KY: variants seen among roughly 807,000 people sequenced by gnomAD.
KY encodes the protein kyphoscoliosis peptidase.
In KY, 43 loss-of-function variants were observed where a neutral mutation model predicts 76.1. That is an observed-to-expected ratio of 0.57 (90% CI 0.44 to 0.73). KY has a LOEUF of 0.73. KY is among the 30% of genes least tolerant of loss of function. KY has a pLI of 0.00. For missense variants in KY, 722 were observed against 828.9 expected (o/e 0.87, Z 1.58); for synonymous variants, 277 against 326.2 (o/e 0.85, Z 1.63).
chr3:134,631,146 A>G (rs1434785608), intron 3 of KY, among the ~76,000 whole-genome samples: 1 of 152,208 alleles, frequency 6.6e-6, no homozygotes, highest in African/African-American at 2.4e-5. Flanking sequence ...GCAAAGAGAA[A>G]TAATATGATG....
At chr3:134,627,953 AC>A in intron 4 of KY, 135 bp from the exon 5 acceptor site, 1 of 675,312 alleles carries the variant, frequency 1.5e-6, no homozygotes, top group Non-Finnish European at 2.6e-6. Flanking sequence ...CCTTGTTCCC[AC>A]CCCACTGACC....
chr3:134,604,460 T>C lies in KY; in HGVS notation c.1105A>G (p.Thr369Ala). 1 of 1,606,068 alleles carries C rather than the reference T, an allele frequency of 6.2e-7. No homozygotes were observed. The highest frequency in any genetic ancestry group is 8.5e-7 in the Non-Finnish European group (1 of 1,174,680). Residue 369 changes from threonine (T) to alanine (A), a missense_variant, in exon 11 of 11, where the codon ACG (threonine) becomes GCG (alanine). Physicochemically the swap from Thr to Ala is moderately conservative, Grantham distance 58 (BLOSUM62 0). Transcript: ENST00000423778. Reference sequence around the variant, plus strand: ...GGGGCGCAGCTCTCAATGGTGACCGTGGCCTTCCCATTCACTGAGGAGAGA... The same window carrying C: ...GGGGCGCAGCTCTCAATGGTGACCGCGGCCTTCCCATTCACTGAGGAGAGA... Reference protein sequence around the residue: ...SMIRTVNGKATVTIESCAPTL... With the variant: ...SMIRTVNGKAAVTIESCAPTL...
chr3:134,633,974 A>C (rs1365866873), intron 3 of KY, among the ~76,000 whole-genome samples: 1 of 152,222 alleles, frequency 6.6e-6, no homozygotes, highest in Non-Finnish European at 1.5e-5. Flanking sequence ...AAGCAATTGG[A>C]GATGGCATTT....
intron 1 of KY, among the ~76,000 whole-genome samples, chr3:134,650,275 T>A (rs1966850243): frequency 6.6e-6 from 1 of 152,220 alleles, no homozygotes; most frequent in Non-Finnish European, 1.5e-5. Context: ...TATCCAAACC[T>A]GCGTTCCTTT....
At chr3:134,638,381 A>T (rs1965269366) in intron 3 of KY, among the ~76,000 whole-genome samples, 1 of 152,156 alleles carries the variant, frequency 6.6e-6, no homozygotes, top group South Asian at 2.1e-4. Context: ...TCTAAACCCT[A>T]AGTACAGCCT....
chr3:134,643,028 A>G (rs1426120559), intron 3 of KY, among the ~76,000 whole-genome samples: 3 of 152,192 alleles, frequency 2.0e-5, no homozygotes, highest in African/African-American at 7.2e-5. Context: ...CAAATGTTGA[A>G]TGTTGAATAG....
At position 134,603,867 on chromosome 3, in the gene KY, G is replaced by A. The variant is rs1038065882; in HGVS notation, c.1698C>T (p.Pro566=). ...VCCANTKVNW[P]MFPESFGNWG... is the part of the protein sequence containing the mutation. ...AGTTGCCAAAGCTCTCAGGGAACAT[G>A]GGCCAGTTCACCTTGGTGTTGGCAC... Residue 566 remains proline, a synonymous_variant, in exon 11 of 11, where the codon CCC becomes CCT. Transcript: ENST00000423778. The A allele has an allele frequency of 1.9e-6, 3 of 1,613,890 alleles. No individual in the cohort carries two copies. Among genetic ancestry groups the A allele is most frequent in the African/African-American group, 2.7e-5 (2 of 74,924 alleles).
Position 134,604,170 on chromosome 3 carries a change from C to T in KY, c.1395G>A (p.Lys465=), listed in dbSNP as rs376145121. Residue 465 remains lysine (K), a synonymous_variant, in exon 11 of 11, where the codon AAG becomes AAA. Coordinates refer to ENST00000423778, the MANE Select transcript of KY (RefSeq NM_178554.6). ...SWFSEQMGIM[K]PSHPDPIIHT... ...GGATGATAGGGTCAGGGTGGGAGGG[C>T]TTCATGATGCCCATCTGCTCCGAGA... The T allele has an allele frequency of 2.2e-3, 3,549 of 1,609,584 alleles. 6 individuals are homozygous for T. Among genetic ancestry groups the T allele is most frequent in the Non-Finnish European group, 2.8e-3 (3,252 of 1,177,880 alleles).
At chr3:134,621,506 G>A (rs914374824) in intron 6 of KY, among the ~76,000 whole-genome samples, 1 of 152,178 alleles carries the variant, frequency 6.6e-6, no homozygotes, top group African/African-American at 2.4e-5. Flanking sequence ...GGACAATTGA[G>A]TTTCCACATG....
At chr3:134,619,375 G>A (rs1962180322) in intron 7 of KY, 110 bp from the exon 8 acceptor site, 1 of 784,102 alleles carries the variant, frequency 1.3e-6, no homozygotes, top group Non-Finnish European at 2.3e-6. Context: ...AAACTACAGT[G>A]GGCTGAATGG....
rs751040887 is a variant in KY, at chr3:134,650,984, G to A, written c.-24C>T. The A allele has an allele frequency of 1.1e-5, 18 of 1,612,632 alleles. No homozygotes were observed. The highest frequency in any genetic ancestry group is 1.7e-4 in the Middle Eastern group (1 of 6,058). ...ATGATGCCGCCTCCTTTCCGACCTGGGCGCCGCGGCCGCACGCTAGGCTGC... is the reference window on the plus strand; with the variant it reads ...ATGATGCCGCCTCCTTTCCGACCTGAGCGCCGCGGCCGCACGCTAGGCTGC... On this transcript the variant is annotated 5_prime_UTR_variant, in exon 1 of 11. Transcript: ENST00000423778.
Position 134,636,461 on chromosome 3 carries a change from A to G in KY, c.263-6766T>C, listed in dbSNP as rs1047009828. Among the ~76,000 whole-genome samples the G allele has an allele frequency of 2.0e-5, 3 of 152,242 alleles. No individual in the cohort carries two copies. The East Asian group carries it at 5.8e-4, about 29-fold the overall frequency. The stretch of plus-strand genomic sequence containing the variant: ...GGCTTCTAGAAACTTTGAGGCTTCC[A>G]TTCTCATTCTTGGGATCCCAGCCAT... On this transcript the variant is annotated intron_variant, in intron 3 of 10. Transcript: ENST00000423778.
Position 134,647,395 on chromosome 3 carries a change from G to A in KY, c.199+40C>T, listed in dbSNP as rs779049147. ...CCAATTCTTCCAGTTATTATTCAAT[G>A]TATTAAATCCTATAGGTTGAAAGGA... On this transcript the variant is annotated intron_variant, in intron 2 of 10. Transcript: ENST00000423778. The A allele has an allele frequency of 6.4e-6, 9 of 1,402,028 alleles. No individual in the cohort carries two copies. The African/African-American group carries it at 1.3e-4, about 20-fold the overall frequency. 86.8% of individuals were successfully genotyped at this position (1,402,028 alleles called of 1,614,324 possible). A position where few individuals can be genotyped will look rare whatever the true frequency, so the allele number is the denominator to read the frequency against.
intron 6 of KY, among the ~76,000 whole-genome samples, chr3:134,621,677 C>T (rs1353813753): frequency 2.0e-5 from 3 of 152,094 alleles, no homozygotes; most frequent in South Asian, 4.1e-4. Flanking sequence ...TTAGATATGG[C>T]ACCAAAAGCA....
In KY at chr3:134,602,935, C is replaced by T. The variant is rs527241399; in HGVS notation, c.*644G>A. The stretch of plus-strand genomic sequence containing the variant: ...TGACTATACTTAGGGATGTTGGAGA[C>T]GATCAGCTTCCAGCCAGTTGTGGGT... On this transcript the variant is annotated 3_prime_UTR_variant, in exon 11 of 11. Coordinates refer to ENST00000423778, the MANE Select transcript of KY (RefSeq NM_178554.6). Among the ~76,000 whole-genome samples the T allele has an allele frequency of 2.4e-4, 37 of 152,348 alleles. 1 individual carries two copies. The South Asian group carries it at 7.0e-3, about 29-fold the overall frequency.
chr3:134,603,913 A>G lies in KY; in HGVS notation c.1652T>C (p.Val551Ala), dbSNP rs775888548. 8.1e-6 allele frequency: 13 copies of G among 1,614,014 alleles called. No homozygotes were observed. The highest frequency in any genetic ancestry group is 1.1e-5 in the Non-Finnish European group (13 of 1,179,892). ...GGCACAGCATACAAGGTAATTAAAG[A>G]CGAAGATGTAGTTTCCTGGTTCCTG... Reference protein sequence around the residue: ...KRQEPGNYIFVFNYLVCCANT... With the variant: ...KRQEPGNYIFAFNYLVCCANT... The change falls in exon 11 of 11, where the codon GTC becomes GCC. Residue 551 changes from valine (V) to alanine (A), a missense_variant. This residue lies in a region of KY where 552 missense variants were observed against 680.9 expected (regional missense o/e 0.81). Transcript: ENST00000423778.
At chr3:134,618,910 T>C (rs150635049) in intron 8 of KY, among the ~76,000 whole-genome samples, 1 of 152,304 alleles carries the variant, frequency 6.6e-6, no homozygotes, top group Non-Finnish European at 1.5e-5. Flanking sequence ...AACCAAATTA[T>C]CTCTGTGCAT....
At chr3:134,619,394 C>A in intron 7 of KY, 129 bp from the exon 8 acceptor site, 1 of 700,054 alleles carries the variant, frequency 1.4e-6, no homozygotes, top group South Asian at 1.6e-5. Flanking sequence ...GGAACTACAG[C>A]CCCAGCACAA....
At chr3:134,633,018 T>C (rs1964433829) in intron 3 of KY, among the ~76,000 whole-genome samples, 1 of 151,992 alleles carries the variant, frequency 6.6e-6, no homozygotes, top group Non-Finnish European at 1.5e-5. Flanking sequence ...TTAGATGAAA[T>C]GGGCCAATTC....
Sources: gnomAD v4.1 joint callset for allele counts (sites outside exome capture counted in the v4.1 genomes callset) on GRCh38, gnomAD v4.1.1 for gene constraint, gnomAD v4.1.1 regional missense constraint, MANE v1.5 for transcripts, NCBI Gene and HGNC (gene_info 2026-07-23, HGNC 2026-07-21) for gene names.